WDR17: variants seen among roughly 807,000 people sequenced by gnomAD.
WDR17 encodes WD repeat domain 17, also known as WD repeat-containing protein 17.
Under a neutral mutation model 161.7 loss-of-function variants are expected in WDR17, and 143 were observed. The observed-to-expected ratio is 0.88, with a 90% CI of 0.77 to 1.02. The LOEUF is 1.02. Ranked by LOEUF, WDR17 falls within the 50% of genes least tolerant of loss-of-function variation. The pLI is 0.00. For missense variants in WDR17, 1,469 were observed against 1,520.9 expected (o/e 0.97, Z 0.57); for synonymous variants, 517 against 515.6 (o/e 1.00, Z -0.04).
chr4:176,131,660 T>C lies in WDR17; in HGVS notation c.1020T>C (p.His340=), dbSNP rs199774879. 375 of 1,613,836 alleles carry C rather than the reference T, an allele frequency of 2.3e-4. 2 individuals carry two copies. Among genetic ancestry groups the C allele is most frequent in the South Asian group, 1.3e-3 (117 of 91,058 alleles). Residue 340 remains histidine (H), a synonymous_variant, in exon 7 of 29, where the codon CAT becomes CAC. Coordinates refer to ENST00000508596, the MANE Select transcript of WDR17 (RefSeq NM_181265.4). ...QNQAFSLPPG[H]AVCCFLDGGV... ...AAGCATTTTCTCTTCCTCCTGGTCA[T>C]GCAGTGTGTTGTTTCTTGGATGGTG...
chr4:176,099,391 G>A (rs557526827), intron 1 of WDR17, among the ~76,000 whole-genome samples: 50 of 152,272 alleles, frequency 3.3e-4, no homozygotes, highest in African/African-American at 1.1e-3. Context: ...AATATGGTCA[G>A]GTCTGAGGGT....
In WDR17 at chr4:176,180,922, A is replaced by T. The variant is rs1752095660; in HGVS notation, c.*1343A>T. ...TCTGACTTTGAAACTTATTAAATTA[A>T]TGCATACTGGAAGTACTTTGATACT... On this transcript the variant is annotated 3_prime_UTR_variant, in exon 29 of 29. Coordinates refer to ENST00000508596, the MANE Select transcript of WDR17 (RefSeq NM_181265.4). The T allele has an allele frequency of 6.6e-6, 1 of 152,172 alleles. No individual in the cohort carries two copies. Among genetic ancestry groups the T allele is most frequent in the Non-Finnish European group, 1.5e-5 (1 of 68,024 alleles). 9.4% of individuals were successfully genotyped at this position (152,172 alleles called of 1,614,324 possible). A position where few individuals can be genotyped will look rare whatever the true frequency, so the allele number is the denominator to read the frequency against.
Position 176,119,909 on chromosome 4 carries a change from T to A in WDR17, c.350T>A (p.Val117Glu). The A allele has an allele frequency of 6.2e-7, 1 of 1,614,144 alleles. No individual in the cohort carries two copies. Among genetic ancestry groups the A allele is most frequent in the Non-Finnish European group, 8.5e-7 (1 of 1,180,010 alleles). The change falls in exon 4 of 29, where the codon GTG becomes GAG. Residue 117 changes from valine to glutamate, a missense_variant. By Grantham distance (121) the Val-to-Glu change is moderately radical (BLOSUM62 -2). Transcript: ENST00000508596. ...AGTTGGTGCTGGAATGCAGAGGATG[T>A]GGTGGCATTTGTTTCCCACAGAGGC... Reference protein sequence around the residue: ...SLSWCWNAEDVVAFVSHRGPL... With the variant: ...SLSWCWNAEDEVAFVSHRGPL...
At position 176,149,905 on chromosome 4, in the gene WDR17, CAAATAAATAT is replaced by C; in HGVS notation, c.1997_2006del (p.Gln666LeufsTer18). The C allele has an allele frequency of 6.2e-7, 1 of 1,613,892 alleles. No homozygotes were observed. The highest frequency in any genetic ancestry group is 1.1e-5 in the South Asian group (1 of 90,942). On this transcript the variant is annotated frameshift_variant, in exon 14 of 29. Transcript: ENST00000508596. LOFTEE classifies it high-confidence loss of function. ...ATTAACAGCCTTAGTCACTCCTGTA[CAAATAAATAT>C]TCTGGCAGACAGATCTTGGGAAGAA...
intron 5 of WDR17, among the ~76,000 whole-genome samples, chr4:176,126,780 A>G (rs1277695395): frequency 6.6e-6 from 1 of 152,164 alleles, no homozygotes; most frequent in Non-Finnish European, 1.5e-5. Context: ...TAATGGGATC[A>G]TGGGGGCCAC....
chr4:176,104,434 A>G (rs575180852), intron 1 of WDR17, among the ~76,000 whole-genome samples: 1 of 152,196 alleles, frequency 6.6e-6, no homozygotes, highest in East Asian at 1.9e-4. Context: ...AATATTTTAA[A>G]AATTCTTAGT....
rs1253837209 is a variant in WDR17 at position 176,177,120 on chromosome 4, T to C, written c.3512T>C (p.Leu1171Ser). 1.2e-6 allele frequency: 2 copies of C among 1,613,694 alleles called. No homozygotes were observed. The highest frequency in any genetic ancestry group is 1.3e-5 in the African/African-American group (1 of 74,882). ...PLKIEYLSEELDAWRACTQST... is the reference protein window; with the variant it reads ...PLKIEYLSEESDAWRACTQST... ...AAAATTGAATATCTTTCTGAGGAAT[T>C]GGATGCATGGAGAGCTTGCACACAG... is the stretch of plus-strand genomic sequence containing the variant. The change falls in exon 27 of 29, where the codon TTG becomes TCG. Residue 1171 changes from leucine to serine, a missense_variant. Physicochemically the swap from Leu to Ser is moderately radical, Grantham distance 145. Transcript: ENST00000508596.
At chr4:176,116,393 C>T (rs537831530) in intron 3 of WDR17, among the ~76,000 whole-genome samples, 1 of 151,768 alleles carries the variant, frequency 6.6e-6, no homozygotes, top group Non-Finnish European at 1.5e-5. Context: ...AAGCTGGTTT[C>T]ATGCCTTTAT....
chr4:176,109,871 A>T (rs1229289424), intron 1 of WDR17, among the ~76,000 whole-genome samples: 2 of 152,188 alleles, frequency 1.3e-5, no homozygotes, highest in African/African-American at 4.8e-5. Context: ...CATTAACATT[A>T]TGCAAAGCTT....
intron 22 of WDR17, 59 bp downstream of exon 22, chr4:176,163,352 T>C (rs1038255072): frequency 6.5e-7 from 1 of 1,532,572 alleles, no homozygotes; most frequent in Non-Finnish European, 8.8e-7. Context: ...TTTTAAAACA[T>C]TATAAATTCC....
intron 18 of WDR17, among the ~76,000 whole-genome samples, chr4:176,158,229 G>A (rs1035387689): frequency 3.3e-5 from 5 of 152,156 alleles, no homozygotes; most frequent in Non-Finnish European, 5.9e-5. Context: ...CAGACATGAG[G>A]AGGCCAGTTA....
At chr4:176,152,088 T>C in intron 17 of WDR17, 121 bp downstream of exon 17, 1 of 951,766 alleles carries the variant, frequency 1.1e-6, no homozygotes, top group Non-Finnish European at 1.5e-6. Context: ...GGTGGGTGGA[T>C]CACTTGAGCC....
At chr4:176,109,571 A>G (rs1173125434) in intron 1 of WDR17, among the ~76,000 whole-genome samples, 1 of 152,218 alleles carries the variant, frequency 6.6e-6, no homozygotes, top group Non-Finnish European at 1.5e-5. Flanking sequence ...TGGAGAAGAG[A>G]AGAGGAGATG....
intron 9 of WDR17, 132 bp from the exon 10 acceptor site, chr4:176,139,760 G>A: frequency 3.1e-6 from 2 of 645,078 alleles, no homozygotes; most frequent in Non-Finnish European, 5.2e-6. Flanking sequence ...TTCTGCTCTT[G>A]ACAGTAATGC....
intron 22 of WDR17, 118 bp from the exon 23 acceptor site, chr4:176,168,554 T>G (rs1285508361): frequency 2.5e-6 from 3 of 1,201,258 alleles, no homozygotes; most frequent in Non-Finnish European, 3.5e-6. Flanking sequence ...TAATACTGTT[T>G]GTGTAAATTA....
chr4:176,122,073 G>T (rs1185095392), intron 4 of WDR17, among the ~76,000 whole-genome samples: 1 of 152,190 alleles, frequency 6.6e-6, no homozygotes, highest in Non-Finnish European at 1.5e-5. Flanking sequence ...CTTGAGGGCA[G>T]AAGTATAAAA....
rs1212974694 is a variant in WDR17, at chr4:176,067,827, G to A, written c.-7+1748G>A. Among the ~76,000 whole-genome samples the A allele has an allele frequency of 2.0e-5, 3 of 152,282 alleles. No homozygotes were observed. The East Asian group carries it at 5.8e-4, about 29-fold the overall frequency. ...AGTGGCAGTTTTTTAATTACTTGGA[G>A]AAGTTTAAGAACAGGTTTCTGTTTG... On this transcript the variant is annotated intron_variant, in intron 1 of 28. Transcript: ENST00000508596.
intron 25 of WDR17, 78 bp from the exon 26 acceptor site, chr4:176,174,539 G>A (rs1751184446): frequency 9.5e-7 from 1 of 1,049,344 alleles, no homozygotes; most frequent in Non-Finnish European, 1.4e-6. Flanking sequence ...AATATATAAA[G>A]TACATGAACT....
intron 1 of WDR17, among the ~76,000 whole-genome samples, chr4:176,094,833 A>G (rs1736612028): frequency 6.6e-6 from 1 of 152,244 alleles, no homozygotes. Context: ...TATCTAGAAT[A>G]TAATGATAGT....
Sources: gnomAD v4.1 joint callset for allele counts (sites outside exome capture counted in the v4.1 genomes callset) on GRCh38, gnomAD v4.1.1 for gene constraint, MANE v1.5 for transcripts, NCBI Gene and HGNC (gene_info 2026-07-23, HGNC 2026-07-21) for gene names.